DIP2C: variants seen among roughly 807,000 people sequenced by gnomAD.
The protein encoded by DIP2C is DIP2 acetate--CoA ligase C (putative), also known as disco-interacting protein 2 homolog C.
In DIP2C, 33 loss-of-function variants were observed where a neutral mutation model predicts 192.4. That is an observed-to-expected ratio of 0.17 (90% CI 0.13 to 0.23). The LOEUF is 0.23. DIP2C is among the 10% of genes least tolerant of loss of function. The pLI is 1.00. For synonymous variants in DIP2C, 979 were observed against 864.1 expected (o/e 1.13, Z -2.33); for missense variants, 1,537 against 2,110.1 (o/e 0.73, Z 5.32).
At chr10:424,060 T>C (rs7080177) in intron 4 of DIP2C, among the ~76,000 whole-genome samples, 56,903 of 152,002 alleles carry the variant, frequency 0.37, 10,823 homozygotes, top group South Asian at 0.46. Context: ...TGGGAATAAA[T>C]TGTTGGTGTA....
intron 1 of DIP2C, among the ~76,000 whole-genome samples, chr10:563,450 T>A (rs561689995): frequency 1.3e-5 from 2 of 152,218 alleles, no homozygotes; most frequent in East Asian, 3.8e-4. Flanking sequence ...TGAGTCTTCA[T>A]GAGAAAGTGA....
At chr10:492,846 G>T (rs1441195755) in intron 1 of DIP2C, among the ~76,000 whole-genome samples, 7 of 152,304 alleles carry the variant, frequency 4.6e-5, no homozygotes, top group South Asian at 4.1e-4. Flanking sequence ...CATTCTATTT[G>T]TAACACATGG....
At chr10:643,223 A>G (rs1214815594) in intron 1 of DIP2C, among the ~76,000 whole-genome samples, 1 of 136,408 alleles carries the variant, frequency 7.3e-6, no homozygotes, top group African/African-American at 2.8e-5. Context: ...GTCTCAAAAA[A>G]AAAAAAACAG....
rs551214043 is a variant in DIP2C at position 409,205 on chromosome 10, A to G, written c.1058-188T>C. On this transcript the variant is annotated intron_variant, in intron 8 of 36. Transcript: ENST00000280886. ...AGAATGGAAAATGAGTGAAAGTAGA[A>G]AAGCATCAGGGATTCTAAAGACAAA... Among the ~76,000 whole-genome samples, 315 of 152,260 alleles carry G rather than the reference A, an allele frequency of 2.1e-3. 2 individuals are homozygous for G. The highest frequency in any genetic ancestry group is 0.014 in the Middle Eastern group (4 of 294).
rs1219353404 is a variant in DIP2C at position 652,509 on chromosome 10, G to C, written c.85+36985C>G. 1 of 154,722 alleles carries C rather than the reference G, an allele frequency of 6.5e-6. No individual in the cohort carries two copies. Among genetic ancestry groups the C allele is most frequent in the Non-Finnish European group, 1.4e-5 (1 of 69,532 alleles). 9.6% of individuals were successfully genotyped at this position (154,722 alleles called of 1,614,324 possible). A position where few individuals can be genotyped will look rare whatever the true frequency, so the allele number is the denominator to read the frequency against. ...TGCCCCTCCTCCGCCCACAGCCTCA[G>C]GCCACCTGTCTCATCCGTGACCGAG... On this transcript the variant is annotated intron_variant, in intron 1 of 36. Transcript: ENST00000280886. The surrounding 1 kb of genome is among the most constrained non-coding windows in gnomAD (Gnocchi z 4.5).
At chr10:528,379 G>C (rs114794507) in intron 1 of DIP2C, among the ~76,000 whole-genome samples, 1 of 90,150 alleles carries the variant, frequency 1.1e-5, no homozygotes, top group Non-Finnish European at 2.1e-5. Context: ...CAGACCGCCC[G>C]CAGCTCCCCC....
chr10:355,757 A>G (rs1959051635), intron 24 of DIP2C, among the ~76,000 whole-genome samples: 1 of 152,220 alleles, frequency 6.6e-6, no homozygotes, highest in African/African-American at 2.4e-5. Flanking sequence ...CTGAGTCTGC[A>G]ATAAACATAA....
intron 3 of DIP2C, among the ~76,000 whole-genome samples, chr10:457,631 C>T (rs990357582): frequency 1.3e-5 from 2 of 152,186 alleles, no homozygotes; most frequent in African/African-American, 4.8e-5. Context: ...CAACAGCTCA[C>T]TGCAGCCTCC....
At chr10:299,278 T>A (rs1472817978) in intron 32 of DIP2C, among the ~76,000 whole-genome samples, 1 of 152,226 alleles carries the variant, frequency 6.6e-6, no homozygotes, top group Non-Finnish European at 1.5e-5. Flanking sequence ...ATTGATCCAA[T>A]ATTTAATCTA....
At chr10:312,155 A>AC (rs1461319360) in intron 31 of DIP2C, among the ~76,000 whole-genome samples, 1 of 152,054 alleles carries the variant, frequency 6.6e-6, no homozygotes, top group Non-Finnish European at 1.5e-5. Flanking sequence ...AGGAGTTTCC[A>AC]CCCCAGCAAA....
intron 1 of DIP2C, among the ~76,000 whole-genome samples, chr10:492,626 A>T (rs1184336211): frequency 6.6e-6 from 1 of 152,244 alleles, no homozygotes; most frequent in Non-Finnish European, 1.5e-5. Context: ...ACACGCACAC[A>T]AATATTTAAT....
At chr10:532,996 A>G (rs1349597363) in intron 1 of DIP2C, among the ~76,000 whole-genome samples, 7 of 152,196 alleles carry the variant, frequency 4.6e-5, no homozygotes, top group Non-Finnish European at 7.3e-5. Context: ...CTGGGATTAC[A>G]GGTGTGAGCC....
At chr10:382,786 C>CA in intron 16 of DIP2C, 25 bp from the exon 17 acceptor site, 1 of 1,523,798 alleles carries the variant, frequency 6.6e-7, no homozygotes, top group Non-Finnish European at 9.0e-7. Flanking sequence ...GGACAATGAT[C>CA]AGACAGCTGA....
Position 585,752 on chromosome 10 carries a change from T to C in DIP2C, c.86-99222A>G, listed in dbSNP as rs117415591. On this transcript the variant is annotated intron_variant, in intron 1 of 36. Coordinates refer to ENST00000280886, the MANE Select transcript of DIP2C (RefSeq NM_014974.3). The stretch of plus-strand genomic sequence containing the variant: ...CAAGGTACAACCAGGAAGATCATCA[T>C]TCAAAACTGAGGATTGTGGCAGAAC... 4.9e-4 allele frequency among the ~76,000 whole-genome samples: 75 copies of C among 152,262 alleles called. 1 individual carries two copies. In the East Asian group the frequency reaches 0.013, roughly 26 times the overall value.
intron 1 of DIP2C, among the ~76,000 whole-genome samples, chr10:653,944 C>G (rs1478194478): frequency 1.3e-5 from 2 of 152,188 alleles, no homozygotes; most frequent in African/African-American, 2.4e-5. Flanking sequence ...TTAATGGATG[C>G]ACTAAAAGCA....
chr10:378,266 A>C (rs894295168), intron 17 of DIP2C, among the ~76,000 whole-genome samples: 6 of 152,282 alleles, frequency 3.9e-5, no homozygotes, highest in Non-Finnish European at 5.9e-5. Context: ...TCACGTAGCA[A>C]GACTGAGCAG....
At chr10:362,404 C>G in intron 22 of DIP2C, 86 bp downstream of exon 22, 1 of 1,470,812 alleles carries the variant, frequency 6.8e-7, no homozygotes, top group Non-Finnish European at 9.2e-7. Context: ...CTGCAAGCAG[C>G]CCTGGGTGAA....
intron 1 of DIP2C, among the ~76,000 whole-genome samples, chr10:507,912 G>GA (rs1564801291): frequency 1.3e-5 from 2 of 152,196 alleles, no homozygotes; most frequent in African/African-American, 4.8e-5. Flanking sequence ...TAAAAGACAG[G>GA]AGAAGACTTT....
At chr10:433,315 A>C (rs561735629) in intron 4 of DIP2C, among the ~76,000 whole-genome samples, 2 of 152,336 alleles carry the variant, frequency 1.3e-5, no homozygotes, top group South Asian at 2.1e-4. Context: ...TGGAGAAAAT[A>C]ATCATCTCTG....
Sources: allele counts gnomAD v4.1 joint callset (sites outside exome capture counted in the v4.1 genomes callset), GRCh38; gene constraint gnomAD v4.1.1; non-coding constraint Gnocchi (gnomAD v3.1); transcripts MANE v1.5; gene names NCBI Gene and HGNC (gene_info 2026-07-23, HGNC 2026-07-21).